Variants in DTD2 observed in about 807,000 individuals in gnomAD.
DTD2 encodes the protein D-tyrosyl-tRNA deacylase 2 (putative).
Under a neutral mutation model 15.5 loss-of-function variants are expected in DTD2, and 12 were observed. That is an observed-to-expected ratio of 0.77 (90% CI 0.50 to 1.25). The LOEUF (loss-of-function observed/expected upper bound fraction) is 1.25, where lower values mean the gene tolerates loss of function less well. Among genes scored for constraint, DTD2 ranks in the 50% most tolerant of loss-of-function variants. DTD2 has a pLI of 0.00. For missense variants in DTD2, 170 were observed against 201.1 expected (o/e 0.85, Z 0.93); for synonymous variants, 59 against 77.3 (o/e 0.76, Z 1.24).
chr14:31,450,131 A>C (rs902610979), intron 2 of DTD2, among the ~76,000 whole-genome samples: 5 of 152,234 alleles, frequency 3.3e-5, no homozygotes, highest in African/African-American at 1.2e-4. Context: ...CAGAGTAAAT[A>C]GGCAATTTTG....
chr14:31,449,054 C>T (rs895773345), intron 2 of DTD2, among the ~76,000 whole-genome samples: 16 of 152,180 alleles, frequency 1.1e-4, no homozygotes, highest in African/African-American at 3.4e-4. Flanking sequence ...CCACCACACC[C>T]GGCTAATTTT....
At chr14:31,451,257 C>T (rs2139361492) in intron 2 of DTD2, among the ~76,000 whole-genome samples, 1 of 151,376 alleles carries the variant, frequency 6.6e-6, no homozygotes, top group African/African-American at 2.4e-5. Context: ...ATGCCATTCT[C>T]CTGCCTCAGC....
chr14:31,449,482 A>C (rs1282888869), intron 2 of DTD2, among the ~76,000 whole-genome samples: 2 of 152,214 alleles, frequency 1.3e-5, no homozygotes, highest in Non-Finnish European at 2.9e-5. Flanking sequence ...ATCTTCATAC[A>C]CATATACGAA....
At chr14:31,449,669 G>A (rs1360979399) in intron 2 of DTD2, among the ~76,000 whole-genome samples, 1 of 152,066 alleles carries the variant, frequency 6.6e-6, no homozygotes, top group Non-Finnish European at 1.5e-5. Context: ...ATAGACCTAG[G>A]GTCTCCCTAC....
In DTD2 at chr14:31,453,277, A is replaced by G. The variant is rs773497623; in HGVS notation, c.179T>C (p.Met60Thr). ...AAGAAACAAAGTCAAACACATACCC[A>G]TTTTGGGAAGAAGTTCTTTATCAGC... is the stretch of plus-strand genomic sequence containing the variant. ...KGADKELLPKMVNTLLNVKLS... is the reference protein window; with the variant it reads ...KGADKELLPKTVNTLLNVKLS... Residue 60 changes from methionine (M) to threonine (T), a missense_variant and splice_region_variant, in exon 2 of 3, where the codon ATG becomes ACG. Met to Thr is a moderately conservative substitution (Grantham distance 81). Transcript: ENST00000310850. 1.7e-5 allele frequency: 28 copies of G among 1,613,874 alleles called. No individual in the cohort carries two copies. The highest frequency in any genetic ancestry group is 2.4e-5 in the Non-Finnish European group (28 of 1,179,954).
intron 1 of DTD2, among the ~76,000 whole-genome samples, chr14:31,455,638 G>A (rs8016858): frequency 3.3e-5 from 5 of 150,708 alleles, no homozygotes; most frequent in Non-Finnish European, 7.4e-5. Flanking sequence ...CTGGAGTGCA[G>A]TGGCGTGATC....
At chr14:31,455,704 C>G (rs1203673642) in intron 1 of DTD2, among the ~76,000 whole-genome samples, 1 of 151,546 alleles carries the variant, frequency 6.6e-6, no homozygotes, top group Non-Finnish European at 1.5e-5. Context: ...GCCTCAGCCT[C>G]CCGAGTAGCT....
chr14:31,453,246 T>C (rs199774143), intron 2 of DTD2, 29 bp downstream of exon 2: 1 of 1,611,508 alleles, frequency 6.2e-7, no homozygotes, highest in African/African-American at 1.3e-5. Flanking sequence ...CCTCTCACTC[T>C]TAAAAAAGAA....
chr14:31,456,984 C>A (rs2032101313), intron 1 of DTD2: 1 of 441,510 alleles, frequency 2.3e-6, no homozygotes, highest in East Asian at 4.8e-5. Flanking sequence ...TGCAAGGGGT[C>A]TGAGACAGTA....
chr14:31,448,287 C>T lies in DTD2; in HGVS notation c.349G>A (p.Glu117Lys). 1.2e-6 allele frequency: 2 copies of T among 1,614,150 alleles called. No homozygotes were observed. The highest frequency in any genetic ancestry group is 1.7e-6 in the Non-Finnish European group (2 of 1,180,016). ...HSNSGKEEGF[E>K]LYSQFVTLCE... ...AGAGTCACAAATTGAGAGTAAAGTT[C>T]AAACCCTTCTTCTTTTCCAGAGTTA... The change falls in exon 3 of 3, where the codon GAA becomes AAA. Residue 117 changes from glutamate to lysine, a missense_variant. Coordinates refer to ENST00000310850, the MANE Select transcript of DTD2 (RefSeq NM_080664.3).
At position 31,457,415 on chromosome 14, in the gene DTD2, C is replaced by A. The variant is rs1482692426; in HGVS notation, c.-22G>T. ...CCATGGCTTAAGCCAGCGCCGCGGCCGGACAGTTACTAGGCCATGTGTCGC... is the reference window on the plus strand; with the variant it reads ...CCATGGCTTAAGCCAGCGCCGCGGCAGGACAGTTACTAGGCCATGTGTCGC... On this transcript the variant is annotated 5_prime_UTR_variant, in exon 1 of 3. Transcript: ENST00000310850. 13 of 1,456,672 alleles carry A rather than the reference C, an allele frequency of 8.9e-6. No individual in the cohort carries two copies. Among genetic ancestry groups the A allele is most frequent in the Non-Finnish European group, 1.2e-5 (13 of 1,096,042 alleles). The allele number at this position is 1,456,672 out of a possible 1,614,324, so 90.2% of individuals were successfully genotyped here.
intron 1 of DTD2, among the ~76,000 whole-genome samples, chr14:31,454,456 A>T (rs1369091443): frequency 6.6e-6 from 1 of 152,250 alleles, no homozygotes; most frequent in Non-Finnish European, 1.5e-5. Flanking sequence ...TTTAAAAAGT[A>T]CAATCGTGCT....
intron 1 of DTD2, chr14:31,456,978 AG>A (rs2032101248): frequency 2.5e-6 from 1 of 402,486 alleles, no homozygotes; most frequent in South Asian, 2.8e-5. Flanking sequence ...ACGAGCTGCA[AG>A]GGGTCTGAGA....
intron 1 of DTD2, among the ~76,000 whole-genome samples, chr14:31,455,570 G>C (rs1238312042): frequency 1.6e-5 from 2 of 126,686 alleles, no homozygotes; most frequent in East Asian, 4.5e-4. Context: ...AAAAAAAAAA[G>C]GATAATTATT....
At position 31,450,636 on chromosome 14, in the gene DTD2, T is replaced by G. The variant is rs532729867; in HGVS notation, c.182-2182A>C. ...AGAGGGAAGTACAAGCTAATACTAT[T>G]AATAATAGATGGACTTACTTTGCTT... On this transcript the variant is annotated intron_variant, in intron 2 of 2. Coordinates refer to ENST00000310850, the MANE Select transcript of DTD2 (RefSeq NM_080664.3). Among the ~76,000 whole-genome samples the G allele has an allele frequency of 4.6e-5, 7 of 152,284 alleles. No homozygotes were observed. The South Asian group carries it at 1.4e-3, about 32-fold the overall frequency.
chr14:31,452,248 A>C (rs956219949), intron 2 of DTD2: 2 of 152,244 alleles, frequency 1.3e-5, no homozygotes, highest in Non-Finnish European at 2.9e-5. Flanking sequence ...AGGTTTGATG[A>C]GACCCACATC....
chr14:31,453,518 A>G (rs1168846733), intron 1 of DTD2, among the ~76,000 whole-genome samples, 174 bp from the exon 2 acceptor site: 3 of 151,896 alleles, frequency 2.0e-5, no homozygotes, highest in African/African-American at 2.4e-5. Flanking sequence ...TCAATTTTCA[A>G]TCATCTCAGT....
Position 31,448,007 on chromosome 14 carries a change from C to T in DTD2, c.*122G>A. ...GCAGGTGCAGAGTTATATATGAAAC[C>T]CAAGATTTTCCTGTCTAAAAATGCT... On this transcript the variant is annotated 3_prime_UTR_variant, in exon 3 of 3. Coordinates refer to ENST00000310850, the MANE Select transcript of DTD2 (RefSeq NM_080664.3). 1 of 865,500 alleles carries T rather than the reference C, an allele frequency of 1.2e-6. No homozygotes were observed. Among genetic ancestry groups the T allele is most frequent in the Non-Finnish European group, 1.8e-6 (1 of 569,264 alleles). 53.6% of individuals were successfully genotyped at this position (865,500 alleles called of 1,614,324 possible). A position where few individuals can be genotyped will look rare whatever the true frequency, so the allele number is the denominator to read the frequency against.
chr14:31,457,182 C>G (rs1419839595), intron 1 of DTD2, 101 bp downstream of exon 1: 2 of 1,117,390 alleles, frequency 1.8e-6, no homozygotes, highest in Non-Finnish European at 1.3e-6. Flanking sequence ...GCCGGACCGC[C>G]GGTCTCAGAG....
Sources: gnomAD v4.1 joint callset for allele counts (sites outside exome capture counted in the v4.1 genomes callset) on GRCh38, gnomAD v4.1.1 for gene constraint, MANE v1.5 for transcripts, NCBI Gene and HGNC (gene_info 2026-07-23, HGNC 2026-07-21) for gene names.